The following MYT1L variants were observed in gnomAD, a reference collection of about 807,000 sequenced individuals.
MYT1L encodes myelin transcription factor 1-like protein.
Under a neutral mutation model 126.7 loss-of-function variants are expected in MYT1L, and 12 were observed. That is an observed-to-expected ratio of 0.09 (90% CI 0.06 to 0.15). The LOEUF is 0.15. MYT1L is among the 10% of genes least tolerant of loss of function. The pLI, the probability that MYT1L is intolerant of heterozygous loss-of-function variation, is 1.00. For synonymous variants in MYT1L, 541 were observed against 604.2 expected, an observed-to-expected ratio of 0.90 and a Z score of 1.53; for missense variants, 979 against 1,585.2, an observed-to-expected ratio of 0.62 and a Z score of 6.49.
chr2:1,921,578 T>G (rs2053572793), intron 10 of MYT1L, among the ~76,000 whole-genome samples: 1 of 152,206 alleles, frequency 6.6e-6, no homozygotes. Context: ...AATTAATATT[T>G]GAGAAAAGCG....
At chr2:1,987,175 G>A (rs1044013408) in intron 5 of MYT1L, among the ~76,000 whole-genome samples, 2 of 152,096 alleles carry the variant, frequency 1.3e-5, no homozygotes, top group African/African-American at 4.8e-5. Context: ...TTTTAGGGCT[G>A]GGGGGTACCC....
chr2:1,950,415 A>G (rs1482125623), intron 8 of MYT1L, among the ~76,000 whole-genome samples: 1 of 152,202 alleles, frequency 6.6e-6, no homozygotes, highest in African/African-American at 2.4e-5. Context: ...TGAGCAATAC[A>G]GACCTACTCC....
Position 2,060,890 on chromosome 2 carries a change from T to C in MYT1L, c.-303-6767A>G, listed in dbSNP as rs192583588. 7.2e-5 allele frequency among the ~76,000 whole-genome samples: 11 copies of C among 151,938 alleles called. No homozygotes were observed. In the East Asian group the frequency reaches 1.9e-3, roughly 27 times the overall value. On this transcript the variant is annotated intron_variant, in intron 3 of 24. Coordinates refer to ENST00000647738, the MANE Select transcript of MYT1L (RefSeq NM_001303052.2). ...TTTTTTTGGTTCTTAAAAAAGTTTG[T>C]TGCCAAATAATGAGGTAGAAGACAA...
chr2:1,940,884 C>T (rs746125920), intron 9 of MYT1L, among the ~76,000 whole-genome samples: 6 of 152,216 alleles, frequency 3.9e-5, no homozygotes, highest in Non-Finnish European at 7.3e-5. Flanking sequence ...CAGGTCTGGC[C>T]GCAGAGTTAG....
intron 18 of MYT1L, among the ~76,000 whole-genome samples, chr2:1,858,735 A>G (rs1466614700): frequency 6.6e-6 from 1 of 152,242 alleles, no homozygotes; most frequent in Non-Finnish European, 1.5e-5. Flanking sequence ...TAAGACATTC[A>G]GTGATTTTGT....
intron 4 of MYT1L, among the ~76,000 whole-genome samples, chr2:2,017,060 G>A (rs1043529102): frequency 6.6e-6 from 1 of 152,224 alleles, no homozygotes; most frequent in African/African-American, 2.4e-5. Context: ...GCCAGGTGGG[G>A]AGGCAGGCTG....
chr2:2,319,060 C>T (rs749972643), intron 1 of MYT1L, among the ~76,000 whole-genome samples: 1 of 152,180 alleles, frequency 6.6e-6, no homozygotes, highest in Non-Finnish European at 1.5e-5. Context: ...TTGAATTCTC[C>T]TCTCCTCCTT....
intron 3 of MYT1L, among the ~76,000 whole-genome samples, chr2:2,086,643 TG>T (rs1236625196): frequency 1.3e-5 from 2 of 152,184 alleles, no homozygotes; most frequent in Admixed American, 1.3e-4. Flanking sequence ...CTGCCTGCCC[TG>T]CTGTTGGTTC....
rs551889383 is a variant in MYT1L, at chr2:1,948,732, A to G, written c.153-5398T>C. On this transcript the variant is annotated intron_variant, in intron 8 of 24. Coordinates refer to ENST00000647738, the MANE Select transcript of MYT1L (RefSeq NM_001303052.2). ...AGCTCACCCTGTCAGTGCCTCAGAGATGCTGTGCACTCTGGTCACCTCCAT... is the reference window on the plus strand; with the variant it reads ...AGCTCACCCTGTCAGTGCCTCAGAGGTGCTGTGCACTCTGGTCACCTCCAT... Among the ~76,000 whole-genome samples the G allele has an allele frequency of 1.3e-3, 191 of 146,764 alleles. 1 individual carries two copies. The highest frequency in any genetic ancestry group is 2.4e-3 in the Non-Finnish European group (161 of 66,048).
intron 5 of MYT1L, among the ~76,000 whole-genome samples, chr2:1,985,536 GA>G (rs1223548655): frequency 6.6e-6 from 1 of 152,140 alleles, no homozygotes; most frequent in Non-Finnish European, 1.5e-5. Context: ...ATACATCTAT[GA>G]AGATTAGCAA....
At chr2:2,138,698 G>A (rs1400795347) in intron 3 of MYT1L, among the ~76,000 whole-genome samples, 1 of 105,018 alleles carries the variant, frequency 9.5e-6, no homozygotes, top group Non-Finnish European at 1.9e-5. Context: ...CTGTTGTGGG[G>A]TGGGGGGAGG....
In MYT1L at chr2:1,824,220, A is replaced by T. The variant is rs1263925534; in HGVS notation, c.3080+14929T>A. Among the ~76,000 whole-genome samples, 4 of 152,264 alleles carry T rather than the reference A, an allele frequency of 2.6e-5. No individual in the cohort carries two copies. In the South Asian group the frequency reaches 6.2e-4, roughly 24 times the overall value. The stretch of plus-strand genomic sequence containing the variant: ...TAGGAGCCTGCATTAAGCATTTTAG[A>T]TACATGACCCCAACCAATTCTTCCA... On this transcript the variant is annotated intron_variant, in intron 21 of 24. Transcript: ENST00000647738.
intron 21 of MYT1L, among the ~76,000 whole-genome samples, chr2:1,821,061 C>T (rs2038448738): frequency 6.6e-6 from 1 of 152,160 alleles, no homozygotes; most frequent in Non-Finnish European, 1.5e-5. Context: ...CAGCCAGTTC[C>T]TTGTGATGAA....
intron 1 of MYT1L, among the ~76,000 whole-genome samples, chr2:2,303,272 G>A (rs1377840796): frequency 2.0e-5 from 3 of 152,162 alleles, no homozygotes; most frequent in African/African-American, 7.2e-5. Flanking sequence ...TGGTTCCACG[G>A]CATGCTCGGC....
chr2:2,108,214 T>C (rs1234082344), intron 3 of MYT1L, among the ~76,000 whole-genome samples: 1 of 152,118 alleles, frequency 6.6e-6, no homozygotes, highest in Non-Finnish European at 1.5e-5. Flanking sequence ...TGCATCCCAG[T>C]GTACCAACTC....
chr2:1,837,132 G>A (rs1397077674), intron 21 of MYT1L, among the ~76,000 whole-genome samples: 3 of 152,180 alleles, frequency 2.0e-5, no homozygotes, highest in Non-Finnish European at 4.4e-5. Context: ...CTTGGTGGAG[G>A]GCTGTCCTCT....
chr2:1,973,840 C>T (rs1302571448), intron 8 of MYT1L, among the ~76,000 whole-genome samples: 3 of 152,222 alleles, frequency 2.0e-5, no homozygotes, highest in East Asian at 1.9e-4. Context: ...TGCAGCTCCC[C>T]AGGCCTCCCA....
At chr2:2,329,254 G>A (rs971512452) in intron 1 of MYT1L, among the ~76,000 whole-genome samples, 1 of 150,120 alleles carries the variant, frequency 6.7e-6, no homozygotes, top group Non-Finnish European at 1.5e-5. Flanking sequence ...GCAGTCAAAT[G>A]TCAGGGAGGC....
intron 3 of MYT1L, among the ~76,000 whole-genome samples, chr2:2,077,470 T>C (rs1027914560): frequency 2.0e-5 from 3 of 152,160 alleles, no homozygotes; most frequent in African/African-American, 7.2e-5. Context: ...GAGAATAGAT[T>C]TGAAACAAAC....
Sources: allele counts gnomAD v4.1 joint callset (sites outside exome capture counted in the v4.1 genomes callset), GRCh38; gene constraint gnomAD v4.1.1; transcripts MANE v1.5; gene names NCBI Gene and HGNC (gene_info 2026-07-23, HGNC 2026-07-21).